The following HOMER2 variants were observed in gnomAD, a reference collection of about 807,000 sequenced individuals.
HOMER2 encodes homer protein homolog 2.
A neutral mutation model predicts 47.0 loss-of-function variants in HOMER2; 27 were observed. The observed-to-expected ratio is 0.57, with a 90% CI of 0.42 to 0.79. The LOEUF (loss-of-function observed/expected upper bound fraction) is 0.79. HOMER2 is among the 30% of genes least tolerant of loss of function. The pLI is 0.00. For missense variants in HOMER2, 443 were observed against 435.0 expected (o/e 1.02, Z -0.16); for synonymous variants, 161 against 163.8 (o/e 0.98, Z 0.13).
At chr15:82,840,850 C>A (rs985532760) in exon 2 of HOMER2, 1 of 151,612 alleles carries the variant, frequency 6.6e-6, no homozygotes, top group African/African-American at 2.4e-5. Flanking sequence ...AAAGGCACTA[C>A]TAGATTTGGA....
At chr15:82,868,849 CTA>C (rs138651874) in intron 3 of HOMER2, among the ~76,000 whole-genome samples, 67,727 of 147,406 alleles carry the variant, frequency 0.46, 15,243 homozygotes, top group East Asian at 0.61. Context: ...CTGCGCTCAG[CTA>C]TATATATATA....
At chr15:82,837,167 C>T (rs1321810747) in exon 2 of HOMER2, 1 of 152,322 alleles carries the variant, frequency 6.6e-6, no homozygotes, top group Non-Finnish European at 1.5e-5. Flanking sequence ...TCTGACCCTT[C>T]TTCCATCATC....
chr15:82,900,983 G>C (rs17294229), intron 1 of HOMER2, among the ~76,000 whole-genome samples: 89,317 of 152,028 alleles, frequency 0.59, 26,770 homozygotes, highest in African/African-American at 0.71. Flanking sequence ...GGCAAGTGCC[G>C]CTGATGAATG....
In HOMER2 at chr15:82,952,693, T is replaced by TGCCACTGCC. The variant is rs1312089335; in HGVS notation, c.-167_-159dup. ...CGCGGGGCTGCGCGGCTGCCACTGC[T>TGCCACTGCC]GCCACTGCCGCCACCGCCGCCAGGC... On this transcript the variant is annotated 5_prime_UTR_variant, in exon 1 of 9. Coordinates refer to ENST00000450735, the MANE Select transcript of HOMER2 (RefSeq NM_004839.4). 8.1e-6 allele frequency: 8 copies of TGCCACTGCC among 986,820 alleles called. No individual in the cohort carries two copies. The highest frequency in any genetic ancestry group is 3.5e-5 in the African/African-American group (2 of 56,824). 61.1% of individuals were successfully genotyped at this position (986,820 alleles called of 1,614,324 possible).
chr15:82,925,449 T>C (rs1419088756), intron 1 of HOMER2, among the ~76,000 whole-genome samples: 1 of 152,190 alleles, frequency 6.6e-6, no homozygotes, highest in Non-Finnish European at 1.5e-5. Flanking sequence ...CTGAACTGCC[T>C]AGGACCATGT....
At chr15:82,923,666 C>T (rs989881765) in intron 1 of HOMER2, among the ~76,000 whole-genome samples, 8 of 152,054 alleles carry the variant, frequency 5.3e-5, no homozygotes, top group African/African-American at 1.9e-4. Flanking sequence ...ACAGCAGAAC[C>T]GCTAGATAAT....
At chr15:82,937,859 G>C (rs2054176025) in intron 1 of HOMER2, among the ~76,000 whole-genome samples, 2 of 152,142 alleles carry the variant, frequency 1.3e-5, no homozygotes, top group Non-Finnish European at 2.9e-5. Flanking sequence ...CTTACTCCCT[G>C]GTTGCTTGGC....
At chr15:82,977,337 G>T (rs946991617) in intron 1 of HOMER2, among the ~76,000 whole-genome samples, 3 of 152,068 alleles carry the variant, frequency 2.0e-5, no homozygotes, top group Non-Finnish European at 4.4e-5. Context: ...GGGGTGCCTG[G>T]GACTACTTGG....
Position 82,855,325 on chromosome 15 carries a change from CAAAAAAAA to C in HOMER2, c.495-533_495-526del, listed in dbSNP as rs1162254209. ...TGGCGACAGAGCGAGACTCCATCTC[CAAAAAAAA>C]AAAAAAAAAAAAAAAAGAAAACACA... On this transcript the variant is annotated intron_variant, in intron 5 of 8. Coordinates refer to ENST00000450735, the MANE Select transcript of HOMER2 (RefSeq NM_004839.4). 3.4e-4 allele frequency among the ~76,000 whole-genome samples: 21 copies of C among 61,516 alleles called. 1 individual carries two copies. Among genetic ancestry groups the C allele is most frequent in the South Asian group, 3.1e-3 (3 of 956 alleles). The allele number at this position is 61,516 out of a possible 152,430, so 40.4% of individuals were successfully genotyped here. A position where few individuals can be genotyped will look rare whatever the true frequency, so the allele number is the denominator to read the frequency against.
chr15:82,926,805 C>G (rs2053863391), intron 1 of HOMER2, among the ~76,000 whole-genome samples: 1 of 152,220 alleles, frequency 6.6e-6, no homozygotes, highest in African/African-American at 2.4e-5. Context: ...TGCCATTATA[C>G]AAGGGTGAGT....
intron 1 of HOMER2, among the ~76,000 whole-genome samples, chr15:82,974,296 C>T (rs1399249704): frequency 2.6e-5 from 4 of 151,378 alleles, no homozygotes; most frequent in Admixed American, 2.0e-4. Context: ...CCCAGCCACT[C>T]GGGAGGCTGA....
At chr15:82,864,741 T>C (rs935151293) in intron 3 of HOMER2, among the ~76,000 whole-genome samples, 1 of 152,254 alleles carries the variant, frequency 6.6e-6, no homozygotes, top group African/African-American at 2.4e-5. Context: ...AATGTGTATA[T>C]GGGTGTTCAT....
chr15:82,911,193 A>T (rs2053443478), intron 1 of HOMER2, among the ~76,000 whole-genome samples: 1 of 152,216 alleles, frequency 6.6e-6, no homozygotes, highest in Non-Finnish European at 1.5e-5. Context: ...TCAGCAAATT[A>T]AACAAAGAAA....
chr15:82,916,418 G>A (rs1192793770), intron 1 of HOMER2, among the ~76,000 whole-genome samples: 2 of 152,208 alleles, frequency 1.3e-5, no homozygotes, highest in African/African-American at 4.8e-5. Flanking sequence ...CTGAGCACCT[G>A]TGTGTACATG....
downstream of HOMER2, chr15:82,844,920 C>T (rs1366689545): frequency 2.0e-5 from 3 of 152,204 alleles, no homozygotes; most frequent in African/African-American, 7.2e-5. Flanking sequence ...TCCTGCCCAT[C>T]ACTCGCCAAA....
chr15:82,952,765 C>A, upstream of HOMER2: 2 of 934,648 alleles, frequency 2.1e-6, no homozygotes, highest in Non-Finnish European at 2.5e-6. Context: ...GTGCCCGCCC[C>A]GCCCTCCCCA....
At chr15:82,853,959 C>T (rs1369762136) in intron 6 of HOMER2, among the ~76,000 whole-genome samples, 1 of 152,210 alleles carries the variant, frequency 6.6e-6, no homozygotes, top group Non-Finnish European at 1.5e-5. Context: ...TCTCCCAAGT[C>T]TGTTTCTCAC....
intron 3 of HOMER2, among the ~76,000 whole-genome samples, chr15:82,866,114 C>T (rs146285976): frequency 6.6e-6 from 1 of 152,256 alleles, no homozygotes; most frequent in East Asian, 1.9e-4. Flanking sequence ...AATGCCGGCC[C>T]GTGAAAGCAG....
chr15:82,899,498 C>T (rs191963897), intron 1 of HOMER2, among the ~76,000 whole-genome samples: 6 of 152,326 alleles, frequency 3.9e-5, no homozygotes, highest in Admixed American at 3.3e-4. Context: ...TTTTCTTGTA[C>T]ATTCTCCCAT....
Sources: gnomAD v4.1 joint callset for allele counts (sites outside exome capture counted in the v4.1 genomes callset) on GRCh38, gnomAD v4.1.1 for gene constraint, MANE v1.5 for transcripts, NCBI Gene and HGNC (gene_info 2026-07-23, HGNC 2026-07-21) for gene names.